DPYSL2: variants seen among roughly 807,000 people sequenced by gnomAD.
The protein encoded by DPYSL2 is dihydropyrimidinase like 2, also known as dihydropyrimidinase-related protein 2.
Under a neutral mutation model 69.9 loss-of-function variants are expected in DPYSL2, and 13 were observed. The observed-to-expected ratio is 0.19, with a 90% CI of 0.12 to 0.30. The LOEUF (loss-of-function observed/expected upper bound fraction) is 0.30. Ranked by LOEUF, DPYSL2 falls within the 10% of genes least tolerant of loss-of-function variation. The probability of loss-of-function intolerance (pLI) is 1.00; values close to 1 mark genes in which losing one functional copy is unlikely to be tolerated. For synonymous variants in DPYSL2, 326 were observed against 359.1 expected (o/e 0.91, Z 1.04); for missense variants, 587 against 918.9 (o/e 0.64, Z 4.67).
At chr8:26,618,778 CAAAA>C (rs71216765) in intron 3 of DPYSL2, among the ~76,000 whole-genome samples, 1 of 85,178 alleles carries the variant, frequency 1.2e-5, no homozygotes, top group Non-Finnish European at 2.2e-5. Flanking sequence ...CCATCTCTAC[CAAAA>C]AAAAAAAAAA....
At position 26,650,305 on chromosome 8, in the gene DPYSL2, C is replaced by T. The variant is rs1237690261; in HGVS notation, c.1597-1952C>T. Among the ~76,000 whole-genome samples, 3 of 152,110 alleles carry T rather than the reference C, an allele frequency of 2.0e-5. No individual in the cohort carries two copies. Among genetic ancestry groups the T allele is most frequent in the East Asian group, 1.9e-4 (1 of 5,176 alleles). On this transcript the variant is annotated intron_variant, in intron 11 of 13. Transcript: ENST00000521913. The surrounding 1 kb of genome is among the most constrained non-coding windows in gnomAD (Gnocchi z 5.3). ...AACCCAGGGCAGATGTCTCCATGGC[C>T]GAGGCTGCGCCCATACTCTACCCAG...
rs1287356051 is a variant in DPYSL2, at chr8:26,642,310, C to T, written c.1127-1129C>T. Among the ~76,000 whole-genome samples, 1 of 152,056 alleles carries T rather than the reference C, an allele frequency of 6.6e-6. No homozygotes were observed. The highest frequency in any genetic ancestry group is 1.5e-5 in the Non-Finnish European group (1 of 68,010). On this transcript the variant is annotated intron_variant, in intron 8 of 13. Coordinates refer to ENST00000521913, the MANE Select transcript of DPYSL2 (RefSeq NM_001197293.3). This position sits in a 1 kb window ranked among gnomAD's most constrained non-coding sequence, Gnocchi z 5.3. ...GGATTCTCAGGTGAAGGGTGTGAGA[C>T]CCGAGTTGTGTTTTGGACGATGTTA...
At position 26,627,937 on chromosome 8, in the gene DPYSL2, G is replaced by T; in HGVS notation, c.1002G>T (p.Glu334Asp). ...AGGGACATGTGCTGAGCCGACCTGAGGAGGTGAATGTTCACCAAGCGGAAT... is the reference window on the plus strand; with the variant it reads ...AGGGACATGTGCTGAGCCGACCTGATGAGGTGAATGTTCACCAAGCGGAAT... Reference protein sequence around the residue: ...GPEGHVLSRPEEVEAEAVNRA... With the variant: ...GPEGHVLSRPDEVEAEAVNRA... The change falls in exon 7 of 14, where the codon GAG (glutamate) becomes GAT (aspartate). Residue 334 changes from glutamate to aspartate, a missense_variant. Around this residue, in one of 3 missense-constraint regions of DPYSL2, gnomAD observed 452 missense variants for 754.3 expected, o/e 0.60. Coordinates refer to ENST00000521913, the MANE Select transcript of DPYSL2 (RefSeq NM_001197293.3). This position sits in a 1 kb window ranked among gnomAD's most constrained non-coding sequence, Gnocchi z 6.9. 6.2e-7 allele frequency: 1 copy of T among 1,613,660 alleles called. No individual in the cohort carries two copies. Among genetic ancestry groups the T allele is most frequent in the Non-Finnish European group, 8.5e-7 (1 of 1,179,930 alleles).
chr8:26,652,235 G>A lies in DPYSL2; in HGVS notation c.1597-22G>A, dbSNP rs778378188. On this transcript the variant is annotated intron_variant, in intron 11 of 13. Coordinates refer to ENST00000521913, the MANE Select transcript of DPYSL2 (RefSeq NM_001197293.3). This position sits in a 1 kb window ranked among gnomAD's most constrained non-coding sequence, Gnocchi z 6.3. ...TCCAGCCAGAGTGGCCTGTTCTAGA[G>A]TTTACTTTGCCTTCTTCTCAGTCTC... is the stretch of plus-strand genomic sequence containing the variant. The A allele has an allele frequency of 3.7e-6, 6 of 1,604,972 alleles. No individual in the cohort carries two copies. The highest frequency in any genetic ancestry group is 5.1e-6 in the Non-Finnish European group (6 of 1,175,062).
Position 26,641,688 on chromosome 8 carries a change from CT to C in DPYSL2, c.1127-1750del, listed in dbSNP as rs1353725219. On this transcript the variant is annotated intron_variant, in intron 8 of 13. Coordinates refer to ENST00000521913, the MANE Select transcript of DPYSL2 (RefSeq NM_001197293.3). This position sits in a 1 kb window ranked among gnomAD's most constrained non-coding sequence, Gnocchi z 4.1. ...GGACCCTCCTAGGCCTTCCGAGCAC[CT>C]AGCACTGGCCCTTTTCTTCCTTGGG... 1.3e-5 allele frequency among the ~76,000 whole-genome samples: 2 copies of C among 152,208 alleles called. No homozygotes were observed. Among genetic ancestry groups the C allele is most frequent in the Non-Finnish European group, 2.9e-5 (2 of 68,030 alleles).
At chr8:26,542,424 A>G (rs992094168) in intron 1 of DPYSL2, among the ~76,000 whole-genome samples, 2 of 152,102 alleles carry the variant, frequency 1.3e-5, no homozygotes, top group African/African-American at 4.8e-5. Context: ...CATATTAAAA[A>G]AATTTTTTTT....
Position 26,514,604 on chromosome 8 carries a change from A to G in DPYSL2, c.279A>G (p.Pro93=). Residue 93 remains proline, a synonymous_variant, in exon 1 of 14, where the codon CCA becomes CCG. Transcript: ENST00000521913. This position sits in a 1 kb window ranked among gnomAD's most constrained non-coding sequence, Gnocchi z 8.4. The part of the protein sequence containing the change: ...SRQGRRAGGE[P]SVESGRKVEI... ...AGGGCCGGCGCGCCGGCGGAGAGCC[A>G]TCTGTTGAATCGGGCCGGAAGGTGG... 6.7e-7 allele frequency: 1 copy of G among 1,494,028 alleles called. No homozygotes were observed. The highest frequency in any genetic ancestry group is 8.9e-7 in the Non-Finnish European group (1 of 1,127,628). The allele number at this position is 1,494,028 out of a possible 1,614,324, so 92.5% of individuals were successfully genotyped here.
chr8:26,653,220 T>G lies in DPYSL2; in HGVS notation c.1777-12T>G. 6.2e-7 allele frequency: 1 copy of G among 1,612,752 alleles called. No individual in the cohort carries two copies. Among genetic ancestry groups the G allele is most frequent in the Non-Finnish European group, 8.5e-7 (1 of 1,179,234 alleles). On this transcript the variant is annotated splice_polypyrimidine_tract_variant and intron_variant, in intron 12 of 13. Coordinates refer to ENST00000521913, the MANE Select transcript of DPYSL2 (RefSeq NM_001197293.3). The surrounding 1 kb of genome is among the most constrained non-coding windows in gnomAD (Gnocchi z 5.7). The stretch of plus-strand genomic sequence containing the variant: ...CTGTGGCCTGAGCTGGGGGGACTCT[T>G]GTGTTTTGCAGCTGGCTGAGCTGAG...
Position 26,565,250 on chromosome 8 carries a change from G to A in DPYSL2, c.355-16719G>A, listed in dbSNP as rs530729480. Among the ~76,000 whole-genome samples, 18 of 117,792 alleles carry A rather than the reference G, an allele frequency of 1.5e-4. No homozygotes were observed. The highest frequency in any genetic ancestry group is 3.5e-4 in the Non-Finnish European group (17 of 49,144). The allele number at this position is 117,792 out of a possible 152,430, so 77.3% of individuals were successfully genotyped here. A position where few individuals can be genotyped will look rare whatever the true frequency, so the allele number is the denominator to read the frequency against. On this transcript the variant is annotated intron_variant, in intron 1 of 13. Transcript: ENST00000521913. This position sits in a 1 kb window ranked among gnomAD's most constrained non-coding sequence, Gnocchi z 4.1. ...CTTGTGCTGCAATAAACATAGGAGT[G>A]CAGGTGTCTTTTTGATATCATGACT...
Position 26,652,459 on chromosome 8 carries a change from A to G in DPYSL2, c.1776+23A>G. ...AGGGTGAGTAGTTTTGTTCTGATGA[A>G]TTTTTTGTTAAATCACGAATTAAGT... On this transcript the variant is annotated intron_variant, in intron 12 of 13. Transcript: ENST00000521913. The surrounding 1 kb of genome is among the most constrained non-coding windows in gnomAD (Gnocchi z 6.3). 1 of 1,578,380 alleles carries G rather than the reference A, an allele frequency of 6.3e-7. No homozygotes were observed. Among genetic ancestry groups the G allele is most frequent in the South Asian group, 1.1e-5 (1 of 87,052 alleles).
At chr8:26,639,043 A>T (rs150456046) in intron 8 of DPYSL2, among the ~76,000 whole-genome samples, 67 of 152,336 alleles carry the variant, frequency 4.4e-4, no homozygotes, top group African/African-American at 1.5e-3. Context: ...CGGGTGCAGA[A>T]ACATTCAGGA....
Position 26,655,774 on chromosome 8 carries a change from T to A in DPYSL2, c.*68T>A. On this transcript the variant is annotated 3_prime_UTR_variant, in exon 14 of 14. Transcript: ENST00000521913. The stretch of plus-strand genomic sequence containing the variant: ...ACCTGAGGACATTCTGAGACTTCTT[T>A]CTTCCTTCCTTTTTTTTTTTTTGTT... 7.8e-7 allele frequency: 1 copy of A among 1,284,280 alleles called. No homozygotes were observed. The highest frequency in any genetic ancestry group is 1.0e-6 in the Non-Finnish European group (1 of 952,406). The allele number at this position is 1,284,280 out of a possible 1,614,324, so 79.6% of individuals were successfully genotyped here. A position where few individuals can be genotyped will look rare whatever the true frequency, so the allele number is the denominator to read the frequency against.
Position 26,593,624 on chromosome 8 carries a change from C to T in DPYSL2, c.628+9641C>T, listed in dbSNP as rs1455698179. 1.3e-5 allele frequency among the ~76,000 whole-genome samples: 2 copies of T among 152,206 alleles called. No homozygotes were observed. Among genetic ancestry groups the T allele is most frequent in the African/African-American group, 2.4e-5 (1 of 41,456 alleles). On this transcript the variant is annotated intron_variant, in intron 3 of 13. Coordinates refer to ENST00000521913, the MANE Select transcript of DPYSL2 (RefSeq NM_001197293.3). The surrounding 1 kb of genome is among the most constrained non-coding windows in gnomAD (Gnocchi z 5.7). ...CAGAAAGAGCCTCCTCCTTCAGTTG[C>T]TGTCCTTGGTGTTCGGGAAGGTTTT...
chr8:26,611,149 A>G (rs1037674502), intron 3 of DPYSL2, among the ~76,000 whole-genome samples: 1 of 152,220 alleles, frequency 6.6e-6, no homozygotes, highest in Non-Finnish European at 1.5e-5. Flanking sequence ...TTCTACCCAG[A>G]CAGGTGAGCT....
chr8:26,570,093 G>A (rs424422), intron 1 of DPYSL2, among the ~76,000 whole-genome samples: 30,737 of 152,040 alleles, frequency 0.2, 3,615 homozygotes, highest in African/African-American at 0.32. Context: ...CTTGATAAAC[G>A]GTTTGCATTT....
chr8:26,541,960 G>A (rs1800691279), intron 1 of DPYSL2, among the ~76,000 whole-genome samples: 1 of 152,146 alleles, frequency 6.6e-6, no homozygotes, highest in Admixed American at 6.6e-5. Flanking sequence ...AATGTAAATG[G>A]ATTAATCTCA....
In DPYSL2 at chr8:26,626,482, A is replaced by AAC. The variant is rs58931747; in HGVS notation, c.794-96_794-95dup. On this transcript the variant is annotated intron_variant, in intron 4 of 13. Transcript: ENST00000521913. The surrounding 1 kb of genome is among the most constrained non-coding windows in gnomAD (Gnocchi z 4.3). Reference sequence around the variant, plus strand: ...TCTCCTCTCTCTTTCTCTGTACTGAAACACACACACACACACACACACACA... The same window carrying AAC: ...TCTCCTCTCTCTTTCTCTGTACTGAAACACACACACACACACACACACACACA... 2,731 of 547,210 alleles carry AAC rather than the reference A, an allele frequency of 5.0e-3. 14 individuals carry two copies. The highest frequency in any genetic ancestry group is 0.018 in the African/African-American group (913 of 50,270). 33.9% of individuals were successfully genotyped at this position (547,210 alleles called of 1,614,324 possible).
At position 26,653,676 on chromosome 8, in the gene DPYSL2, G is replaced by T. The variant is rs1425749854; in HGVS notation, c.1942+279G>T. On this transcript the variant is annotated intron_variant, in intron 13 of 13. Coordinates refer to ENST00000521913, the MANE Select transcript of DPYSL2 (RefSeq NM_001197293.3). The surrounding 1 kb of genome is among the most constrained non-coding windows in gnomAD (Gnocchi z 5.7). ...TGGTTCAAGTGATTCTCATGTCTCAGCCTCCCAAGTAGCTGGGATTACAGG... is the reference window on the plus strand; with the variant it reads ...TGGTTCAAGTGATTCTCATGTCTCATCCTCCCAAGTAGCTGGGATTACAGG... Among the ~76,000 whole-genome samples, 1 of 152,070 alleles carries T rather than the reference G, an allele frequency of 6.6e-6. No homozygotes were observed. Among genetic ancestry groups the T allele is most frequent in the Non-Finnish European group, 1.5e-5 (1 of 68,022 alleles).
intron 1 of DPYSL2, among the ~76,000 whole-genome samples, chr8:26,576,815 GGT>G (rs1801355234): frequency 6.6e-6 from 1 of 152,190 alleles, no homozygotes; most frequent in African/African-American, 2.4e-5. Flanking sequence ...CCCACGGTGC[GGT>G]GTGGGTCCCA....
Sources: allele counts gnomAD v4.1 joint callset (sites outside exome capture counted in the v4.1 genomes callset), GRCh38; gene constraint gnomAD v4.1.1; regional missense constraint gnomAD v4.1.1; non-coding constraint Gnocchi (gnomAD v3.1); transcripts MANE v1.5; gene names NCBI Gene and HGNC (gene_info 2026-07-23, HGNC 2026-07-21).